TMEM245: variants seen among roughly 807,000 people sequenced by gnomAD.
The protein encoded by TMEM245 is protein CG-2.
A neutral mutation model predicts 101.2 loss-of-function variants in TMEM245; 69 were observed. The ratio of observed to expected loss-of-function variants is 0.68; its 90% CI spans 0.56 to 0.83. The LOEUF (loss-of-function observed/expected upper bound fraction) is 0.83. Ranked by LOEUF, TMEM245 falls within the 40% of genes least tolerant of loss-of-function variation. The pLI is 0.00. For missense variants in TMEM245, 1,075 were observed against 1,092.8 expected, an observed-to-expected ratio of 0.98 and a Z score of 0.23; for synonymous variants, 537 against 449.8, an observed-to-expected ratio of 1.19 and a Z score of -2.45.
chr9:109,083,484 C>A (rs1829729878), intron 7 of TMEM245, among the ~76,000 whole-genome samples: 1 of 151,432 alleles, frequency 6.6e-6, no homozygotes, highest in South Asian at 2.1e-4. Context: ...GTTTATTTTT[C>A]AAAAAAAGAG....
Position 109,034,988 on chromosome 9 carries a change from C to T in TMEM245, c.2399+1218G>A, listed in dbSNP as rs1828075183. 2.0e-5 allele frequency among the ~76,000 whole-genome samples: 3 copies of T among 151,664 alleles called. No homozygotes were observed. The South Asian group carries it at 6.2e-4, about 32-fold the overall frequency. ...CCTGATCAACATGGTGAAATCCCATCTCTAGTAAAAATACAAAAATTAGCC... is the reference window on the plus strand; with the variant it reads ...CCTGATCAACATGGTGAAATCCCATTTCTAGTAAAAATACAAAAATTAGCC... On this transcript the variant is annotated intron_variant, in intron 16 of 17. Transcript: ENST00000374586.
chr9:109,114,898 C>A (rs1227655469), intron 1 of TMEM245, among the ~76,000 whole-genome samples: 1 of 152,134 alleles, frequency 6.6e-6, no homozygotes, highest in Non-Finnish European at 1.5e-5. Context: ...TCAGTGCAAT[C>A]TCCTAACATA....
intron 17 of TMEM245, among the ~76,000 whole-genome samples, chr9:109,021,164 T>C (rs993232092): frequency 9.9e-5 from 15 of 152,216 alleles, no homozygotes; most frequent in Admixed American, 9.2e-4. Context: ...ATCTCAGTAC[T>C]GTAGTAGCTA....
chr9:109,111,774 T>G (rs956654892), intron 1 of TMEM245, among the ~76,000 whole-genome samples: 2 of 152,210 alleles, frequency 1.3e-5, no homozygotes, highest in Non-Finnish European at 2.9e-5. Context: ...CAATATACAG[T>G]GCTACAGTGT....
intron 2 of TMEM245, among the ~76,000 whole-genome samples, chr9:109,108,182 G>C (rs1039758794): frequency 3.3e-5 from 5 of 152,026 alleles, no homozygotes; most frequent in Non-Finnish European, 7.4e-5. Context: ...ATGACACTCA[G>C]AAATGATATG....
In TMEM245 at chr9:109,018,758, C is replaced by T. The variant is rs1261129391; in HGVS notation, c.*1702G>A. On this transcript the variant is annotated 3_prime_UTR_variant, in exon 18 of 18. Transcript: ENST00000374586. ...CCAACACTTTTTTTTTTCCTTGGGA[C>T]AGTGTCTCACTCTCTCACCCAGGCT... is the stretch of plus-strand genomic sequence containing the variant. The T allele has an allele frequency of 6.6e-6, 1 of 151,778 alleles. No individual in the cohort carries two copies. The highest frequency in any genetic ancestry group is 1.5e-5 in the Non-Finnish European group (1 of 67,944). 9.4% of individuals were successfully genotyped at this position (151,778 alleles called of 1,614,324 possible).
chr9:109,070,320 G>T (rs946053808), intron 9 of TMEM245, among the ~76,000 whole-genome samples: 1 of 152,076 alleles, frequency 6.6e-6, no homozygotes, highest in African/African-American at 2.4e-5. Context: ...AAACTCAACA[G>T]GTAAACAGGG....
chr9:109,115,978 C>A (rs558150692), intron 1 of TMEM245, among the ~76,000 whole-genome samples: 1 of 152,202 alleles, frequency 6.6e-6, no homozygotes, highest in Non-Finnish European at 1.5e-5. Context: ...ATCAACAGTT[C>A]TCTGAATTAG....
In TMEM245 at chr9:109,020,592, T is replaced by C. The variant is rs534128604; in HGVS notation, c.2595-87A>G. 2.2e-4 allele frequency: 248 copies of C among 1,148,596 alleles called. 2 individuals are homozygous for C. The South Asian group carries it at 3.1e-3, about 15-fold the overall frequency. 71.2% of individuals were successfully genotyped at this position (1,148,596 alleles called of 1,614,324 possible). A position where few individuals can be genotyped will look rare whatever the true frequency, so the allele number is the denominator to read the frequency against. ...ATCTTTTGGAGCCCTAATGAGATTA[T>C]ATAGTCACTATTTTTTCTTAAGATT... is the stretch of plus-strand genomic sequence containing the variant. On this transcript the variant is annotated intron_variant, in intron 17 of 17. Coordinates refer to ENST00000374586, the MANE Select transcript of TMEM245 (RefSeq NM_032012.4).
At chr9:109,089,421 G>A (rs1170221550) in intron 5 of TMEM245, among the ~76,000 whole-genome samples, 4 of 152,140 alleles carry the variant, frequency 2.6e-5, no homozygotes, top group African/African-American at 9.7e-5. Context: ...AGGTAAATGG[G>A]CTAATAAGTT....
chr9:109,081,141 A>G (rs981800293), intron 7 of TMEM245, among the ~76,000 whole-genome samples, 198 bp from the exon 8 acceptor site: 1 of 152,178 alleles, frequency 6.6e-6, no homozygotes, highest in South Asian at 2.1e-4. Flanking sequence ...ATAGTTTATT[A>G]CTGTCATAGC....
intron 3 of TMEM245, among the ~76,000 whole-genome samples, chr9:109,103,181 A>C (rs1830323416): frequency 6.6e-6 from 1 of 152,274 alleles, no homozygotes; most frequent in Non-Finnish European, 1.5e-5. Flanking sequence ...TCCCTATTGC[A>C]GATGACTGAA....
chr9:109,037,739 A>G (rs1316291939), intron 15 of TMEM245, among the ~76,000 whole-genome samples: 1 of 152,182 alleles, frequency 6.6e-6, no homozygotes, highest in East Asian at 1.9e-4. Context: ...CCTCTTCTTT[A>G]TAAATTACCT....
chr9:109,119,373 G>A lies in TMEM245; in HGVS notation c.541C>T (p.Leu181Phe), dbSNP rs929831927. ...VQVLLVHAAT[L>F]ICRGLDYFSS... ...AAGTAGTCCAGCCCGCGGCAGATGA[G>A]CGTGGCAGCGTGCACCAGCAGCACC... The change falls in exon 1 of 18, where the codon CTC becomes TTC. Residue 181 changes from leucine to phenylalanine, a missense_variant. Leu to Phe is a conservative substitution (Grantham distance 22, BLOSUM62 0). Coordinates refer to ENST00000374586, the MANE Select transcript of TMEM245 (RefSeq NM_032012.4). 6.5e-7 allele frequency: 1 copy of A among 1,529,968 alleles called. No individual in the cohort carries two copies. The highest frequency in any genetic ancestry group is 1.4e-5 in the African/African-American group (1 of 71,190). 94.8% of individuals were successfully genotyped at this position (1,529,968 alleles called of 1,614,324 possible).
chr9:109,023,341 C>G (rs1827689736), intron 17 of TMEM245, among the ~76,000 whole-genome samples: 1 of 152,132 alleles, frequency 6.6e-6, no homozygotes. Context: ...TGGTTTTTGG[C>G]TTATTCCAGA....
At chr9:109,109,424 C>T (rs1354573590) in intron 1 of TMEM245, among the ~76,000 whole-genome samples, 1 of 140,740 alleles carries the variant, frequency 7.1e-6, no homozygotes, top group East Asian at 2.0e-4. Context: ...TCAAGTATGA[C>T]ATGAACCTTG....
intron 14 of TMEM245, among the ~76,000 whole-genome samples, chr9:109,044,726 T>C (rs1026431942): frequency 7.9e-5 from 12 of 152,068 alleles, no homozygotes; most frequent in Non-Finnish European, 1.5e-4. Flanking sequence ...ATAGGGGTAA[T>C]TGGCATATCC....
chr9:109,086,525 G>C (rs1468069543), intron 6 of TMEM245, among the ~76,000 whole-genome samples: 1 of 152,148 alleles, frequency 6.6e-6, no homozygotes, highest in Non-Finnish European at 1.5e-5. Flanking sequence ...AGAGCTCACT[G>C]TGTACCAGGC....
intron 17 of TMEM245, among the ~76,000 whole-genome samples, chr9:109,031,188 T>C (rs769018101): frequency 5.3e-5 from 8 of 152,250 alleles, no homozygotes; most frequent in Non-Finnish European, 1.0e-4. Flanking sequence ...TAAAACCAGA[T>C]GTATAACCAG....
Sources: gnomAD v4.1 joint callset for allele counts (sites outside exome capture counted in the v4.1 genomes callset) on GRCh38, gnomAD v4.1.1 for gene constraint, MANE v1.5 for transcripts, NCBI Gene and HGNC (gene_info 2026-07-23, HGNC 2026-07-21) for gene names.